The following UNC93A variants were observed in gnomAD, a reference collection of about 807,000 sequenced individuals.
UNC93A encodes unc-93 homolog A.
UNC93A carries 43 observed loss-of-function variants against 47.5 expected under a neutral mutation model. The ratio of observed to expected loss-of-function variants is 0.91; its 90% CI spans 0.71 to 1.17. The LOEUF (loss-of-function observed/expected upper bound fraction) is 1.17. Ranked by LOEUF, UNC93A falls within the 50% of genes most tolerant of loss-of-function variation. UNC93A has a pLI of 0.00. For missense variants in UNC93A, 605 were observed against 577.6 expected (o/e 1.05, Z -0.49); for synonymous variants, 280 against 258.0 (o/e 1.09, Z -0.82).
intron 1 of UNC93A, among the ~76,000 whole-genome samples, chr6:167,278,533 A>G (rs1297733040): frequency 6.6e-6 from 1 of 152,238 alleles, no homozygotes; most frequent in Non-Finnish European, 1.5e-5. Flanking sequence ...AGTCTCAAAG[A>G]AGAAAATGAT....
upstream of UNC93A, among the ~76,000 whole-genome samples, chr6:167,269,515 A>G (rs1783418325): frequency 6.6e-6 from 1 of 152,230 alleles, no homozygotes; most frequent in South Asian, 2.1e-4. Context: ...TGGCAAATAA[A>G]GGAACCCAAT....
intron 1 of UNC93A, among the ~76,000 whole-genome samples, chr6:167,277,791 C>T (rs1016236832): frequency 1.3e-4 from 20 of 152,112 alleles, no homozygotes; most frequent in Middle Eastern, 3.4e-3. Flanking sequence ...TTCTGTCTCT[C>T]TCTGTCTCTG....
Position 167,294,458 on chromosome 6 carries a change from G to A in UNC93A, c.88-59G>A, listed in dbSNP as rs1391584749. The A allele has an allele frequency of 2.5e-6, 4 of 1,583,132 alleles. No individual in the cohort carries two copies. The African/African-American group carries it at 5.4e-5, about 21-fold the overall frequency. Reference sequence around the variant, plus strand: ...GCCTGGGGGACACTGAGGACCTGCTGGTGCCTCATCCCGCTGTGTCCATCC... The same window carrying A: ...GCCTGGGGGACACTGAGGACCTGCTAGTGCCTCATCCCGCTGTGTCCATCC... On this transcript the variant is annotated intron_variant, in intron 1 of 7. Coordinates refer to ENST00000230256, the MANE Select transcript of UNC93A (RefSeq NM_018974.4).
intron 4 of UNC93A, among the ~76,000 whole-genome samples, chr6:167,298,965 T>A (rs1326488027): frequency 6.6e-6 from 1 of 151,588 alleles, no homozygotes; most frequent in African/African-American, 2.4e-5. Flanking sequence ...AATACAAAAA[T>A]TAGCTGAGCG....
rs1421740285 is a variant in UNC93A at position 167,304,046 on chromosome 6, A to G, written c.753A>G (p.Leu251=). The G allele has an allele frequency of 3.1e-6, 5 of 1,613,836 alleles. No homozygotes were observed. In the African/African-American group the frequency reaches 4.0e-5, roughly 13 times the overall value. Residue 251 remains leucine (L), a synonymous_variant, in exon 5 of 8, where the codon CTA becomes CTG. Transcript: ENST00000230256. ...FWSTLLSTFK[L]YRDKRLCLLI... ...CCACTTTACTGTCGACTTTCAAGCT[A>G]TATAGAGATAAACGTCTGTGCCTCT...
chr6:167,314,114 G>A (rs560273294), intron 7 of UNC93A, among the ~76,000 whole-genome samples: 23 of 152,226 alleles, frequency 1.5e-4, no homozygotes, highest in South Asian at 1.0e-3. Context: ...GAGTTGTTTC[G>A]TATAAAACTC....
chr6:167,312,970 C>T (rs183226657), intron 7 of UNC93A, among the ~76,000 whole-genome samples: 9 of 152,294 alleles, frequency 5.9e-5, no homozygotes, highest in Admixed American at 3.3e-4. Context: ...GTGGGACAAA[C>T]GGTTTCCCCT....
intron 1 of UNC93A, among the ~76,000 whole-genome samples, chr6:167,275,657 C>G (rs1387786014): frequency 6.6e-6 from 1 of 152,258 alleles, no homozygotes; most frequent in Non-Finnish European, 1.5e-5. Flanking sequence ...CATGTCCCAG[C>G]AGGCTGGCTG....
Position 167,274,404 on chromosome 6 carries a change from G to A in UNC93A, c.-52+2946G>A, listed in dbSNP as rs9295390. 7.2e-3 allele frequency among the ~76,000 whole-genome samples: 1,100 copies of A among 152,332 alleles called. 18 individuals carry two copies. Among genetic ancestry groups the A allele is most frequent in the African/African-American group, 0.026 (1,065 of 41,538 alleles). ...CCCTCCTCCTGCCTAAAGGGTTCTAGATGTGTGTAGTGATACAGCTGGGAT... is the reference window on the plus strand; with the variant it reads ...CCCTCCTCCTGCCTAAAGGGTTCTAAATGTGTGTAGTGATACAGCTGGGAT... On this transcript the variant is annotated intron_variant, in intron 1 of 3. Coordinates refer to the UNC93A transcript ENST00000503433.
At chr6:167,276,972 C>G (rs1783554450) in intron 1 of UNC93A, among the ~76,000 whole-genome samples, 1 of 152,220 alleles carries the variant, frequency 6.6e-6, no homozygotes, top group Admixed American at 6.5e-5. Context: ...GCGCTGCAGG[C>G]AGCAGGGAGC....
At chr6:167,288,270 TCTC>T (rs1783775557), upstream of UNC93A, among the ~76,000 whole-genome samples, 1 of 152,142 alleles carries the variant, frequency 6.6e-6, no homozygotes, top group African/African-American at 2.4e-5. Context: ...CTCTCTGGGT[TCTC>T]CTTGGCCGAG....
chr6:167,299,667 A>G (rs1315312555), intron 4 of UNC93A, among the ~76,000 whole-genome samples: 2 of 152,190 alleles, frequency 1.3e-5, no homozygotes. Context: ...ATCTCCCTGG[A>G]GCACGGAGTT....
At chr6:167,301,607 G>A (rs1380291333) in intron 4 of UNC93A, among the ~76,000 whole-genome samples, 1 of 152,178 alleles carries the variant, frequency 6.6e-6, no homozygotes, top group African/African-American at 2.4e-5. Context: ...AAGGCTCTGA[G>A]TCACATGACA....
upstream of UNC93A, among the ~76,000 whole-genome samples, chr6:167,270,380 A>G (rs1583054350): frequency 1.3e-5 from 2 of 152,038 alleles, no homozygotes; most frequent in Non-Finnish European, 2.9e-5. Flanking sequence ...AGAGGGTGCA[A>G]TGCGGAGGGC....
intron 7 of UNC93A, among the ~76,000 whole-genome samples, chr6:167,314,562 G>T (rs1311264634): frequency 6.6e-6 from 1 of 152,166 alleles, no homozygotes; most frequent in East Asian, 1.9e-4. Context: ...AAAATCCTGG[G>T]GCTCCAAAAT....
chr6:167,281,889 T>C (rs1358619862), intron 1 of UNC93A, among the ~76,000 whole-genome samples: 1 of 152,166 alleles, frequency 6.6e-6, no homozygotes, highest in Non-Finnish European at 1.5e-5. Flanking sequence ...GAGATAAGGA[T>C]TCTGGTTTCT....
At chr6:167,270,534 G>T (rs143059003), upstream of UNC93A, among the ~76,000 whole-genome samples, 22 of 152,182 alleles carry the variant, frequency 1.4e-4, no homozygotes, top group African/African-American at 5.3e-4. Context: ...ACAGACCTTC[G>T]GAGGAGAAAG....
upstream of UNC93A, among the ~76,000 whole-genome samples, chr6:167,269,243 C>A (rs915945109): frequency 6.6e-6 from 1 of 152,190 alleles, no homozygotes; most frequent in African/African-American, 2.4e-5. Flanking sequence ...AACATCATGG[C>A]TCTGTGCTGA....
chr6:167,312,572 G>C (rs73264877), intron 7 of UNC93A, among the ~76,000 whole-genome samples: 4,636 of 152,228 alleles, frequency 0.03, 241 homozygotes, highest in African/African-American at 0.11. Context: ...TCTTTATTAA[G>C]GTGGTAAGAC....
Sources: allele counts gnomAD v4.1 joint callset (sites outside exome capture counted in the v4.1 genomes callset), GRCh38; gene constraint gnomAD v4.1.1; transcripts MANE v1.5; gene names NCBI Gene and HGNC (gene_info 2026-07-23, HGNC 2026-07-21).